DAD1: variants seen among roughly 807,000 people sequenced by gnomAD.
DAD1 encodes dolichyl-diphosphooligosaccharide--protein glycosyltransferase subunit DAD1.
In DAD1, 4 loss-of-function variants were observed where a neutral mutation model predicts 9.0. That is an observed-to-expected ratio of 0.44 (90% confidence interval 0.22 to 1.01). The LOEUF (loss-of-function observed/expected upper bound fraction) is 1.01, where lower values mean the gene tolerates loss of function less well. Ranked by LOEUF, DAD1 falls within the 50% of genes least tolerant of loss-of-function variation. The probability of loss-of-function intolerance (pLI) is 0.24; values close to 1 mark genes in which losing one functional copy is unlikely to be tolerated. For missense variants in DAD1, 119 were observed against 137.3 expected (o/e 0.87, Z 0.67); for synonymous variants, 60 against 62.5 (o/e 0.96, Z 0.19).
intron 2 of DAD1, among the ~76,000 whole-genome samples, chr14:22,572,268 T>C (rs1402016786): frequency 6.6e-6 from 1 of 152,220 alleles, no homozygotes; most frequent in African/African-American, 2.4e-5. Flanking sequence ...TGTTTTGTTC[T>C]ACCTTCTGAG....
intron 2 of DAD1, among the ~76,000 whole-genome samples, chr14:22,566,803 G>A (rs1285258476): frequency 1.3e-5 from 2 of 152,202 alleles, no homozygotes; most frequent in African/African-American, 4.8e-5. Flanking sequence ...GCCAGTCCAC[G>A]TGAAAGGCAA....
At chr14:22,578,313 C>G (rs1486445740) in intron 1 of DAD1, among the ~76,000 whole-genome samples, 1 of 151,972 alleles carries the variant, frequency 6.6e-6, no homozygotes, top group African/African-American at 2.4e-5. Flanking sequence ...TCCTGTAATC[C>G]CCGCACTTTG....
chr14:22,565,115 T>C lies in DAD1; in HGVS notation c.*67A>G, dbSNP rs988659405. 5.7e-6 allele frequency: 4 copies of C among 702,128 alleles called. No individual in the cohort carries two copies. The highest frequency in any genetic ancestry group is 1.7e-5 in the African/African-American group (1 of 57,210). The allele number at this position is 702,128 out of a possible 1,614,324, so 43.5% of individuals were successfully genotyped here. A position where few individuals can be genotyped will look rare whatever the true frequency, so the allele number is the denominator to read the frequency against. The stretch of plus-strand genomic sequence containing the variant: ...TAAGCTGCCATCTCCAGAACTCTTA[T>C]CCAGGAAATTCAAAGAGTGAACCTA... On this transcript the variant is annotated 3_prime_UTR_variant, in exon 3 of 3. Transcript: ENST00000250498.
chr14:22,587,133 T>C (rs2037158120), intron 1 of DAD1, among the ~76,000 whole-genome samples: 3 of 152,152 alleles, frequency 2.0e-5, no homozygotes, highest in Admixed American at 1.3e-4. Context: ...AGTCATTTGC[T>C]CAAAAAAACC....
intron 1 of DAD1, among the ~76,000 whole-genome samples, chr14:22,588,713 T>C (rs780946945): frequency 2.0e-4 from 31 of 152,114 alleles, no homozygotes; most frequent in Non-Finnish European, 3.4e-4. Context: ...CCAAGTGGAG[T>C]AGCGGCACGA....
Position 22,575,066 on chromosome 14 carries a change from T to G in DAD1, c.*37A>C. On this transcript the variant is annotated 3_prime_UTR_variant, in exon 2 of 3. Transcript: ENST00000250498. The stretch of plus-strand genomic sequence containing the variant: ...ACTATGATCATCACTTACATTCTTT[T>G]AGTCTCCTACTCCTCAATTAAGTAA... 6.2e-7 allele frequency: 1 copy of G among 1,607,344 alleles called. No homozygotes were observed. Among genetic ancestry groups the G allele is most frequent in the Non-Finnish European group, 8.5e-7 (1 of 1,175,424 alleles).
intron 2 of DAD1, among the ~76,000 whole-genome samples, chr14:22,569,041 C>T (rs548618157): frequency 6.6e-6 from 1 of 152,330 alleles, no homozygotes; most frequent in South Asian, 2.1e-4. Context: ...ACCCCACAGC[C>T]TCTCCTATGA....
At chr14:22,574,872 G>C (rs1343604235) in intron 2 of DAD1, among the ~76,000 whole-genome samples, 187 bp downstream of exon 2, 1 of 152,146 alleles carries the variant, frequency 6.6e-6, no homozygotes, top group Non-Finnish European at 1.5e-5. Context: ...GAAAGACAAG[G>C]CAATGACCAA....
chr14:22,572,767 G>C (rs2037050331), intron 2 of DAD1, among the ~76,000 whole-genome samples: 1 of 152,118 alleles, frequency 6.6e-6, no homozygotes, highest in African/African-American at 2.4e-5. Flanking sequence ...AATGTTTGCT[G>C]TGTCCCCTTC....
chr14:22,577,848 T>C (rs1370491763), intron 1 of DAD1, among the ~76,000 whole-genome samples: 1 of 149,226 alleles, frequency 6.7e-6, no homozygotes, highest in Non-Finnish European at 1.5e-5. Context: ...GTTCTGGATA[T>C]GGATAGTGAT....
chr14:22,584,889 G>C (rs1174970468), intron 1 of DAD1, among the ~76,000 whole-genome samples: 1 of 152,278 alleles, frequency 6.6e-6, no homozygotes, highest in African/African-American at 2.4e-5. Context: ...CTGGAAACCA[G>C]AGGCCGGAAG....
At chr14:22,585,972 C>A (rs1282451364) in intron 1 of DAD1, among the ~76,000 whole-genome samples, 1 of 151,180 alleles carries the variant, frequency 6.6e-6, no homozygotes, top group Non-Finnish European at 1.5e-5. Context: ...TTTAGGAGGC[C>A]GAGGCGGGCG....
In DAD1 at chr14:22,575,253, CA is replaced by C; in HGVS notation, c.212-21del. ...GGCAAACTGCACAAGAAGCAAAACA[CA>C]AAAAAATGATTATATAGAAGTATAA... is the stretch of plus-strand genomic sequence containing the variant. On this transcript the variant is annotated intron_variant, in intron 1 of 2. Coordinates refer to ENST00000250498, the MANE Select transcript of DAD1 (RefSeq NM_001344.4). 1 of 1,604,856 alleles carries C rather than the reference CA, an allele frequency of 6.2e-7. No homozygotes were observed. Among genetic ancestry groups the C allele is most frequent in the Non-Finnish European group, 8.5e-7 (1 of 1,177,228 alleles).
intron 2 of DAD1, among the ~76,000 whole-genome samples, chr14:22,573,923 T>C (rs2037060231): frequency 6.6e-6 from 1 of 152,114 alleles, no homozygotes; most frequent in Admixed American, 6.5e-5. Context: ...CATTATTGCA[T>C]CCACTTTGCA....
chr14:22,566,823 C>G (rs1008981754), intron 2 of DAD1, among the ~76,000 whole-genome samples: 2 of 152,196 alleles, frequency 1.3e-5, no homozygotes, highest in African/African-American at 4.8e-5. Context: ...AAAATTGACT[C>G]ATGAGAGTAA....
chr14:22,568,498 C>A (rs2037015843), intron 2 of DAD1, among the ~76,000 whole-genome samples: 1 of 152,076 alleles, frequency 6.6e-6, no homozygotes, highest in Admixed American at 6.5e-5. Context: ...TGAGGATCAA[C>A]AAAAACAGTA....
At chr14:22,568,546 T>C (rs1015912597) in intron 2 of DAD1, among the ~76,000 whole-genome samples, 2 of 152,186 alleles carry the variant, frequency 1.3e-5, no homozygotes, top group African/African-American at 2.4e-5. Context: ...TCAAGAATCA[T>C]GCTGAGAGGC....
At chr14:22,569,013 T>G (rs2037020058) in intron 2 of DAD1, among the ~76,000 whole-genome samples, 1 of 152,228 alleles carries the variant, frequency 6.6e-6, no homozygotes, top group Non-Finnish European at 1.5e-5. Context: ...TCTGACTTCT[T>G]GTCTCATGCT....
intron 2 of DAD1, among the ~76,000 whole-genome samples, chr14:22,573,961 T>C (rs953476799): frequency 6.6e-6 from 1 of 152,172 alleles, no homozygotes; most frequent in African/African-American, 2.4e-5. Context: ...TTATACTAGA[T>C]TTCTGCTGGT....
Sources: allele counts gnomAD v4.1 joint callset (sites outside exome capture counted in the v4.1 genomes callset), GRCh38; gene constraint gnomAD v4.1.1; transcripts MANE v1.5; gene names NCBI Gene and HGNC (gene_info 2026-07-23, HGNC 2026-07-21).